Variants in NEDD4L observed in about 807,000 individuals in gnomAD.
NEDD4L encodes the protein NEDD4 like E3 ubiquitin protein ligase, also known as E3 ubiquitin-protein ligase NEDD4-like.
NEDD4L carries 54 observed loss-of-function variants against 148.9 expected under a neutral mutation model. The observed-to-expected ratio is 0.36, with a 90% CI of 0.29 to 0.45. The LOEUF (loss-of-function observed/expected upper bound fraction) is 0.45. NEDD4L is among the 20% of genes least tolerant of loss of function. NEDD4L has a pLI of 1.00. For synonymous variants in NEDD4L, 433 were observed against 440.7 expected (o/e 0.98, Z 0.22); for missense variants, 856 against 1,233.8 (o/e 0.69, Z 4.59).
At chr18:58,081,233 T>TTTTTG (rs2083414458) in intron 1 of NEDD4L, among the ~76,000 whole-genome samples, 4 of 148,154 alleles carry the variant, frequency 2.7e-5, no homozygotes, top group African/African-American at 1.0e-4. Context: ...TTTTTTTTTT[T>TTTTTG]GAGATGGAGT....
At chr18:58,047,521 G>A (rs1041573616) in intron 1 of NEDD4L, 1 of 985,214 alleles carries the variant, frequency 1.0e-6, no homozygotes. Context: ...GTAAGGGGTT[G>A]AGATGTGGGC....
chr18:58,226,952 T>G (rs2044429021), intron 2 of NEDD4L, among the ~76,000 whole-genome samples: 1 of 152,180 alleles, frequency 6.6e-6, no homozygotes, highest in Admixed American at 6.5e-5. Flanking sequence ...TTGTTATATT[T>G]TTGTTAGAGT....
intron 1 of NEDD4L, among the ~76,000 whole-genome samples, chr18:58,078,769 C>T (rs531316745): frequency 7.2e-5 from 11 of 152,076 alleles, no homozygotes; most frequent in South Asian, 4.1e-4. Context: ...CTGGCCCCTC[C>T]GAGGGAGGAG....
intron 1 of NEDD4L, among the ~76,000 whole-genome samples, chr18:58,051,759 G>A (rs1009091233): frequency 1.3e-5 from 2 of 152,134 alleles, no homozygotes; most frequent in African/African-American, 4.8e-5. Context: ...TTGTTAATTA[G>A]CGATAAAGCA....
intron 7 of NEDD4L, among the ~76,000 whole-genome samples, chr18:58,322,894 T>G (rs1445878345): frequency 6.9e-5 from 4 of 58,164 alleles, no homozygotes; most frequent in African/African-American, 1.5e-4. Flanking sequence ...TGGGTGTGGG[T>G]GGGTGGGGAT....
rs552513351 is a variant in NEDD4L, at chr18:58,195,488, G to T, written c.122+29627G>T. Reference sequence around the variant, plus strand: ...CCAGACAGGCTTAAGCCGCGCGAGGGTGCCCGGGTGGGTGGCTGCGCAGGG... The same window carrying T: ...CCAGACAGGCTTAAGCCGCGCGAGGTTGCCCGGGTGGGTGGCTGCGCAGGG... On this transcript the variant is annotated intron_variant, in intron 2 of 30. Transcript: ENST00000400345. 1.8e-5 allele frequency: 24 copies of T among 1,344,328 alleles called. No individual in the cohort carries two copies. In the African/African-American group the frequency reaches 1.9e-4, roughly 11 times the overall value. 83.3% of individuals were successfully genotyped at this position (1,344,328 alleles called of 1,614,324 possible).
intron 16 of NEDD4L, among the ~76,000 whole-genome samples, 163 bp downstream of exon 16, chr18:58,343,266 G>A (rs1178382879): frequency 6.6e-6 from 1 of 151,994 alleles, no homozygotes; most frequent in African/African-American, 2.4e-5. Context: ...ATAAATGGGC[G>A]GGTGGGAGTG....
intron 5 of NEDD4L, among the ~76,000 whole-genome samples, chr18:58,301,951 G>A (rs539816444): frequency 5.3e-5 from 8 of 152,262 alleles, no homozygotes; most frequent in South Asian, 2.1e-4. Context: ...GTGATGGAAC[G>A]CATCACATCC....
chr18:58,258,407 A>G (rs1345733567), intron 5 of NEDD4L, among the ~76,000 whole-genome samples: 3 of 152,244 alleles, frequency 2.0e-5, no homozygotes, highest in Admixed American at 6.5e-5. Flanking sequence ...ATTACCAAAA[A>G]CTGAAATCAC....
At chr18:58,351,657 A>AT (rs1003223135) in intron 18 of NEDD4L, among the ~76,000 whole-genome samples, 10 of 150,664 alleles carry the variant, frequency 6.6e-5, no homozygotes, top group South Asian at 4.2e-4. Flanking sequence ...AGCCAGTGGG[A>AT]TTTTTTTTTT....
intron 2 of NEDD4L, among the ~76,000 whole-genome samples, chr18:58,168,041 G>A (rs1220577152): frequency 6.6e-6 from 1 of 152,190 alleles, no homozygotes; most frequent in Non-Finnish European, 1.5e-5. Context: ...AATTTTTACT[G>A]TTTAGATAAT....
chr18:58,333,720 A>G, intron 11 of NEDD4L, 98 bp from the exon 12 acceptor site: 1 of 788,324 alleles, frequency 1.3e-6, no homozygotes, highest in Non-Finnish European at 2.2e-6. Flanking sequence ...AATATCGAAG[A>G]GCGGTGAATA....
At chr18:58,257,317 T>G (rs2048726275) in intron 5 of NEDD4L, among the ~76,000 whole-genome samples, 1 of 152,140 alleles carries the variant, frequency 6.6e-6, no homozygotes, top group African/African-American at 2.4e-5. Flanking sequence ...GGAGGTCAGG[T>G]CAGTCGTTGT....
intron 5 of NEDD4L, among the ~76,000 whole-genome samples, chr18:58,281,100 C>T (rs2052997523): frequency 1.3e-5 from 2 of 152,184 alleles, no homozygotes; most frequent in South Asian, 4.1e-4. Context: ...GCCTCAGCCT[C>T]CTGAGTAGCT....
At chr18:58,133,649 T>C (rs2032462551) in intron 1 of NEDD4L, among the ~76,000 whole-genome samples, 1 of 152,218 alleles carries the variant, frequency 6.6e-6, no homozygotes, top group South Asian at 2.1e-4. Context: ...TCATTTCCCC[T>C]CCATGCTTGC....
At chr18:58,296,947 T>C (rs1336037765) in intron 5 of NEDD4L, among the ~76,000 whole-genome samples, 2 of 147,712 alleles carry the variant, frequency 1.4e-5, no homozygotes, top group African/African-American at 2.5e-5. Flanking sequence ...GTTAAACGAG[T>C]GTCTTGGCAC....
At chr18:58,376,487 A>T (rs1474703235) in intron 24 of NEDD4L, among the ~76,000 whole-genome samples, 1 of 152,194 alleles carries the variant, frequency 6.6e-6, no homozygotes, top group East Asian at 1.9e-4. Flanking sequence ...AGGAATTTAG[A>T]GCAAGTTAAA....
intron 5 of NEDD4L, among the ~76,000 whole-genome samples, chr18:58,311,398 G>C (rs899622673): frequency 2.6e-5 from 4 of 152,204 alleles, no homozygotes; most frequent in African/African-American, 9.7e-5. Context: ...CTTTTGCTCT[G>C]TTACCCCGGC....
At chr18:58,354,848 G>C (rs949204594) in intron 18 of NEDD4L, among the ~76,000 whole-genome samples, 1 of 152,210 alleles carries the variant, frequency 6.6e-6, no homozygotes, top group Non-Finnish European at 1.5e-5. Flanking sequence ...GAGAGAATGG[G>C]TCACTTTTTA....
Sources: gnomAD v4.1 joint callset for allele counts (sites outside exome capture counted in the v4.1 genomes callset) on GRCh38, gnomAD v4.1.1 for gene constraint, MANE v1.5 for transcripts, NCBI Gene and HGNC (gene_info 2026-07-23, HGNC 2026-07-21) for gene names.